The following FHIT variants were observed in gnomAD, a reference collection of about 807,000 sequenced individuals.
FHIT encodes the protein fragile histidine triad diadenosine triphosphatase, also known as bis(5'-adenosyl)-triphosphatase.
A neutral mutation model predicts 17.9 loss-of-function variants in FHIT; 19 were observed. The ratio of observed to expected loss-of-function variants is 1.06; its 90% CI spans 0.74 to 1.56. The LOEUF is 1.56. FHIT is among the 40% of genes most tolerant of loss of function. The pLI is 0.00. For missense variants in FHIT, 248 were observed against 189.2 expected (o/e 1.31, Z -1.82); for synonymous variants, 81 against 69.7 (o/e 1.16, Z -0.81).
chr3:60,332,847 G>A (rs1710053666), intron 5 of FHIT, among the ~76,000 whole-genome samples: 1 of 152,140 alleles, frequency 6.6e-6, no homozygotes, highest in African/African-American at 2.4e-5. Flanking sequence ...TGCTATCACA[G>A]CCAACTCAGA....
chr3:60,194,419 C>T (rs1396326726), intron 5 of FHIT, among the ~76,000 whole-genome samples: 2 of 152,108 alleles, frequency 1.3e-5, no homozygotes, highest in South Asian at 2.1e-4. Context: ...TATCTCTCAT[C>T]ATATACAAAA....
chr3:60,509,741 G>T (rs547258635), intron 5 of FHIT, among the ~76,000 whole-genome samples: 1 of 152,302 alleles, frequency 6.6e-6, no homozygotes. Context: ...ATCCAGACTA[G>T]TCTTTCATCC....
chr3:60,160,954 C>CAA (rs1013936602), intron 5 of FHIT, among the ~76,000 whole-genome samples: 2 of 144,020 alleles, frequency 1.4e-5, no homozygotes, highest in Non-Finnish European at 1.5e-5. Flanking sequence ...CCAGACAAAG[C>CAA]AAAAAAAAAA....
chr3:60,642,873 C>T (rs782598399), intron 4 of FHIT, among the ~76,000 whole-genome samples: 2 of 152,164 alleles, frequency 1.3e-5, no homozygotes, highest in Non-Finnish European at 2.9e-5. Context: ...CTATTCCTAT[C>T]TTAGCTCAAT....
chr3:59,931,696 A>C (rs908886626), intron 7 of FHIT, among the ~76,000 whole-genome samples: 2 of 152,196 alleles, frequency 1.3e-5, no homozygotes, highest in African/African-American at 4.8e-5. Flanking sequence ...AAAAAAAATA[A>C]ACAGAAAACA....
At chr3:60,725,435 A>G (rs1279864775) in intron 4 of FHIT, among the ~76,000 whole-genome samples, 1 of 152,106 alleles carries the variant, frequency 6.6e-6, no homozygotes, top group African/African-American at 2.4e-5. Flanking sequence ...TCCATTTAGG[A>G]CTTTGATACT....
intron 2 of FHIT, among the ~76,000 whole-genome samples, chr3:61,120,880 C>T (rs1189552460): frequency 1.3e-5 from 2 of 151,818 alleles, no homozygotes; most frequent in African/African-American, 2.4e-5. Flanking sequence ...ACTAGAATAA[C>T]CAGTTTAGAG....
At chr3:60,129,054 T>TTTTTTTTTTG in intron 5 of FHIT, among the ~76,000 whole-genome samples, 9 of 99,756 alleles carry the variant, frequency 9.0e-5, no homozygotes, top group Admixed American at 8.3e-4. Context: ...TTTTTGTTTG[T>TTTTTTTTTTG]TTTTTTTTTT....
chr3:61,241,207 A>G (rs2040366212), intron 1 of FHIT, among the ~76,000 whole-genome samples: 1 of 152,082 alleles, frequency 6.6e-6, no homozygotes, highest in Non-Finnish European at 1.5e-5. Flanking sequence ...TGCCAGGGTC[A>G]TTCCTAGAAG....
chr3:61,032,078 C>T (rs189792522), intron 3 of FHIT, among the ~76,000 whole-genome samples: 17 of 152,306 alleles, frequency 1.1e-4, no homozygotes, highest in East Asian at 9.7e-4. Flanking sequence ...TTATTACCAA[C>T]GTCAGTGATT....
chr3:60,754,699 C>T (rs2042538941), intron 4 of FHIT, among the ~76,000 whole-genome samples: 1 of 152,046 alleles, frequency 6.6e-6, no homozygotes, highest in East Asian at 1.9e-4. Flanking sequence ...GTGGTAATGT[C>T]AGCCTTATTT....
intron 2 of FHIT, among the ~76,000 whole-genome samples, chr3:61,069,112 C>T (rs547249891): frequency 6.6e-6 from 1 of 152,056 alleles, no homozygotes. Flanking sequence ...ATGGCAAGAT[C>T]CCTGAAGGCC....
At chr3:59,938,068 T>A (rs1213047199) in intron 7 of FHIT, among the ~76,000 whole-genome samples, 1 of 152,140 alleles carries the variant, frequency 6.6e-6, no homozygotes, top group Admixed American at 6.5e-5. Flanking sequence ...ATATTACCTT[T>A]GAAATCACCA....
intron 7 of FHIT, among the ~76,000 whole-genome samples, chr3:59,964,172 C>T (rs72875155): frequency 1.6e-4 from 25 of 152,240 alleles, no homozygotes; most frequent in African/African-American, 5.8e-4. Context: ...TCTCTATAAA[C>T]AGCCTACATA....
intron 3 of FHIT, among the ~76,000 whole-genome samples, chr3:60,980,334 A>G (rs1291737736): frequency 1.3e-5 from 2 of 152,238 alleles, no homozygotes; most frequent in East Asian, 1.9e-4. Context: ...CAAAAAATGT[A>G]AAGAATGAAG....
chr3:60,661,789 G>C (rs1005063895), intron 4 of FHIT, among the ~76,000 whole-genome samples: 1 of 152,120 alleles, frequency 6.6e-6, no homozygotes, highest in African/African-American at 2.4e-5. Flanking sequence ...TGACTCGCAT[G>C]TTCCTAATAA....
At chr3:61,037,241 G>T (rs2033301739) in intron 3 of FHIT, among the ~76,000 whole-genome samples, 2 of 152,062 alleles carry the variant, frequency 1.3e-5, no homozygotes, top group Admixed American at 6.6e-5. Flanking sequence ...AACTTTGACC[G>T]CTTAGAAAAG....
chr3:60,964,811 G>C (rs371324164), intron 3 of FHIT, among the ~76,000 whole-genome samples: 29 of 152,308 alleles, frequency 1.9e-4, no homozygotes, highest in East Asian at 1.7e-3. Context: ...TTGTTAGTCT[G>C]ATGGGCTTCC....
At chr3:60,944,361 T>C (rs1708554346) in intron 3 of FHIT, among the ~76,000 whole-genome samples, 1 of 152,072 alleles carries the variant, frequency 6.6e-6, no homozygotes, top group Non-Finnish European at 1.5e-5. Context: ...TCAACTCTGT[T>C]CTGTTCTCAG....
Sources: allele counts gnomAD v4.1 joint callset (sites outside exome capture counted in the v4.1 genomes callset), GRCh38; gene constraint gnomAD v4.1.1; transcripts MANE v1.5; gene names NCBI Gene and HGNC (gene_info 2026-07-23, HGNC 2026-07-21).